Variants in FOXP1 observed in about 807,000 individuals in gnomAD.
FOXP1 encodes forkhead box protein P1.
A neutral mutation model predicts 98.2 loss-of-function variants in FOXP1; 15 were observed. The observed-to-expected ratio is 0.15, with a 90% confidence interval of 0.10 to 0.24. The LOEUF is 0.24. Ranked by LOEUF, FOXP1 falls within the 10% of genes least tolerant of loss-of-function variation. The probability of loss-of-function intolerance (pLI) is 1.00; values close to 1 mark genes in which losing one functional copy is unlikely to be tolerated. For synonymous variants in FOXP1, 371 were observed against 314.5 expected (o/e 1.18, Z -1.90); for missense variants, 633 against 848.5 (o/e 0.75, Z 3.15).
At chr3:71,422,262 A>G (rs1171338903) in intron 3 of FOXP1, among the ~76,000 whole-genome samples, 1 of 152,174 alleles carries the variant, frequency 6.6e-6, no homozygotes, top group Non-Finnish European at 1.5e-5. Flanking sequence ...ATAAACACGA[A>G]CTTCTCAACC....
chr3:71,038,592 A>C (rs2047924348), intron 11 of FOXP1, among the ~76,000 whole-genome samples: 1 of 152,112 alleles, frequency 6.6e-6, no homozygotes, highest in African/African-American at 2.4e-5. Flanking sequence ...ATTAAGCCTA[A>C]TAAGGTAATG....
Position 71,146,460 on chromosome 3 carries a change from T to C in FOXP1, c.181-33823A>G, listed in dbSNP as rs532265934. Among the ~76,000 whole-genome samples, 3 of 151,968 alleles carry C rather than the reference T, an allele frequency of 2.0e-5. No homozygotes were observed. The East Asian group carries it at 5.8e-4, about 29-fold the overall frequency. On this transcript the variant is annotated intron_variant, in intron 6 of 20. Transcript: ENST00000649528. ...AGGGAAATACTGTTGTCTCCTGAGA[T>C]TGGGGGAAGTTAAGGGGGAAGAATA...
chr3:71,354,760 G>A (rs181742901), intron 4 of FOXP1, among the ~76,000 whole-genome samples: 1 of 152,298 alleles, frequency 6.6e-6, no homozygotes, highest in East Asian at 1.9e-4. Context: ...CAACAGCACT[G>A]TTATTCTGTT....
At chr3:71,256,122 G>A (rs2068600552) in intron 5 of FOXP1, among the ~76,000 whole-genome samples, 1 of 152,208 alleles carries the variant, frequency 6.6e-6, no homozygotes, top group Non-Finnish European at 1.5e-5. Context: ...GTAAATACCA[G>A]ATGAAGACAT....
chr3:71,148,874 G>A, intron 6 of FOXP1, among the ~76,000 whole-genome samples: 1 of 151,612 alleles, frequency 6.6e-6, no homozygotes, highest in East Asian at 1.9e-4. Flanking sequence ...AAGAGAAGGT[G>A]GTATATCTAT....
At chr3:71,320,784 T>C (rs2075341875) in intron 4 of FOXP1, among the ~76,000 whole-genome samples, 1 of 152,184 alleles carries the variant, frequency 6.6e-6, no homozygotes, top group African/African-American at 2.4e-5. Flanking sequence ...TAAAATCAGC[T>C]CTTCTCCATC....
intron 6 of FOXP1, among the ~76,000 whole-genome samples, chr3:71,133,221 G>T (rs916469425): frequency 6.6e-6 from 1 of 152,140 alleles, no homozygotes; most frequent in Non-Finnish European, 1.5e-5. Flanking sequence ...GCCATTAGAA[G>T]TCTTTTTTAA....
intron 6 of FOXP1, chr3:71,197,845 TTTAA>T: frequency 6.2e-7 from 1 of 1,604,246 alleles, no homozygotes; most frequent in Non-Finnish European, 8.5e-7. Flanking sequence ...CTGTTTTTCG[TTTAA>T]TTTTTATTTT....
intron 5 of FOXP1, among the ~76,000 whole-genome samples, chr3:71,222,567 C>G (rs1218318717): frequency 6.6e-6 from 1 of 152,050 alleles, no homozygotes; most frequent in African/African-American, 2.4e-5. Context: ...TACAGGTGCC[C>G]GCCACCACGC....
chr3:71,511,339 G>A (rs1345879735), intron 2 of FOXP1, among the ~76,000 whole-genome samples: 1 of 152,106 alleles, frequency 6.6e-6, no homozygotes, highest in Admixed American at 6.5e-5. Context: ...AGTGTAGTCA[G>A]CCTCACTTGT....
At chr3:71,121,625 G>C (rs2058781415) in intron 6 of FOXP1, among the ~76,000 whole-genome samples, 1 of 152,112 alleles carries the variant, frequency 6.6e-6, no homozygotes, top group African/African-American at 2.4e-5. Context: ...AGTTGTCTTT[G>C]GAGGGATTCC....
At chr3:71,434,639 T>TGTGG (rs1189610073) in intron 3 of FOXP1, among the ~76,000 whole-genome samples, 7 of 150,840 alleles carry the variant, frequency 4.6e-5, no homozygotes, top group Non-Finnish European at 1.0e-4. Flanking sequence ...GGGGTGTGTG[T>TGTGG]GTGTGTGTGT....
intron 4 of FOXP1, chr3:71,334,479 A>G (rs1269679451): frequency 6.6e-6 from 1 of 152,202 alleles, no homozygotes; most frequent in Non-Finnish European, 1.5e-5. Context: ...ACCTAAAACT[A>G]TAATTCAAAG....
chr3:70,961,502 A>G (rs937180409), intron 20 of FOXP1, among the ~76,000 whole-genome samples: 12 of 152,176 alleles, frequency 7.9e-5, no homozygotes, highest in Non-Finnish European at 1.8e-4. Flanking sequence ...AACTGCTGGG[A>G]TTACAGGCGT....
chr3:71,216,660 A>G (rs753488703), intron 5 of FOXP1, among the ~76,000 whole-genome samples: 4 of 152,126 alleles, frequency 2.6e-5, no homozygotes, highest in Non-Finnish European at 5.9e-5. Flanking sequence ...TTCCATTTTT[A>G]TTGCCTGGAA....
chr3:71,269,564 T>A (rs1168086677), intron 5 of FOXP1, among the ~76,000 whole-genome samples: 3 of 152,176 alleles, frequency 2.0e-5, no homozygotes, highest in African/African-American at 7.2e-5. Context: ...ATCTCAGCAT[T>A]AGTACTAAAC....
intron 3 of FOXP1, among the ~76,000 whole-genome samples, chr3:71,369,417 C>T (rs541981267): frequency 1.3e-4 from 20 of 151,992 alleles, no homozygotes; most frequent in Non-Finnish European, 2.4e-4. Context: ...AAAACAGAAA[C>T]GGAGTCTCGC....
intron 4 of FOXP1, among the ~76,000 whole-genome samples, chr3:71,353,937 A>G (rs1388913794): frequency 6.6e-6 from 1 of 152,146 alleles, no homozygotes; most frequent in Admixed American, 6.5e-5. Context: ...GACTATACAG[A>G]CTTTGGTTTT....
rs1355296027 is a variant in FOXP1 at position 70,957,352 on chromosome 3, T to C, written c.*1895A>G. 4.4e-6 allele frequency: 1 copy of C among 228,872 alleles called. No individual in the cohort carries two copies. Among genetic ancestry groups the C allele is most frequent in the Non-Finnish European group, 8.7e-6 (1 of 115,272 alleles). The allele number at this position is 228,872 out of a possible 1,614,324, so 14.2% of individuals were successfully genotyped here. A position where few individuals can be genotyped will look rare whatever the true frequency, so the allele number is the denominator to read the frequency against. ...TCCATTATCTACTTGGTCTTCTAAATTTACGATGAAGGAGCAGTTCTCTTT... is the reference window on the plus strand; with the variant it reads ...TCCATTATCTACTTGGTCTTCTAAACTTACGATGAAGGAGCAGTTCTCTTT... On this transcript the variant is annotated 3_prime_UTR_variant, in exon 21 of 21. Transcript: ENST00000649528.
Sources: gnomAD v4.1 joint callset for allele counts (sites outside exome capture counted in the v4.1 genomes callset) on GRCh38, gnomAD v4.1.1 for gene constraint, MANE v1.5 for transcripts, NCBI Gene and HGNC (gene_info 2026-07-23, HGNC 2026-07-21) for gene names.